INTS1: variants seen among roughly 807,000 people sequenced by gnomAD.
The protein encoded by INTS1 is integrator complex subunit 1.
In INTS1, 137 loss-of-function variants were observed where a neutral mutation model predicts 241.6. The observed-to-expected ratio is 0.57, with a 90% confidence interval of 0.49 to 0.65. The LOEUF (loss-of-function observed/expected upper bound fraction) is 0.65, where lower values mean the gene tolerates loss of function less well. INTS1 is among the 30% of genes least tolerant of loss of function. The pLI is 0.00. For missense variants in INTS1, 3,073 were observed against 3,032.2 expected (o/e 1.01, Z -0.32); for synonymous variants, 1,692 against 1,337.8 (o/e 1.26, Z -5.78).
Position 1,471,240 on chromosome 7 carries a change from G to A in INTS1, c.6256-16C>T. ...GCAGGTTGGTCTGACCGGGGGAAAG[G>A]TGGGAGGTGTGTGACCAAGGGGTCC... On this transcript the variant is annotated splice_polypyrimidine_tract_variant and intron_variant, in intron 45 of 47. Coordinates refer to ENST00000404767, the MANE Select transcript of INTS1 (RefSeq NM_001080453.3). The A allele has an allele frequency of 6.4e-7, 1 of 1,562,874 alleles. No homozygotes were observed. The highest frequency in any genetic ancestry group is 8.7e-7 in the Non-Finnish European group (1 of 1,154,490).
Position 1,477,659 on chromosome 7 carries a change from C to T in INTS1, c.4829G>A (p.Arg1610Gln), listed in dbSNP as rs376233944. The change falls in exon 35 of 48, where the codon CGG becomes CAG. Residue 1610 changes from arginine (R) to glutamine (Q), a missense_variant. By Grantham distance (43) the Arg-to-Gln change is conservative. Transcript: ENST00000404767. Reference sequence around the variant, plus strand: ...TAGGAGGCCTGACGAGGGCCCCAGCCGCACGGCCTCCAGGCTGCAGGGAGA... The same window carrying T: ...TAGGAGGCCTGACGAGGGCCCCAGCTGCACGGCCTCCAGGCTGCAGGGAGA... ...GADGGSLEAV[R>Q]LGPSSGLLVD... 34 of 1,594,140 alleles carry T rather than the reference C, an allele frequency of 2.1e-5. No homozygotes were observed. Among genetic ancestry groups the T allele is most frequent in the Non-Finnish European group, 2.4e-5 (28 of 1,171,002 alleles).
intron 38 of INTS1, 26 bp downstream of exon 38, chr7:1,476,203 C>T: frequency 1.3e-6 from 2 of 1,541,852 alleles, no homozygotes; most frequent in Non-Finnish European, 1.7e-6. Context: ...TCCCAGGCAG[C>T]ATCTGGGGCC....
At position 1,483,107 on chromosome 7, in the gene INTS1, G is replaced by A. The variant is rs542463827; in HGVS notation, c.3542-400C>T. On this transcript the variant is annotated intron_variant, in intron 26 of 47. Transcript: ENST00000404767. The stretch of plus-strand genomic sequence containing the variant: ...TTCTCCGGCTGCCCTTCCCAAGGGC[G>A]ACGCCTGTGACTGTGTCTGCCTCCC... The A allele has an allele frequency of 4.1e-5, 9 of 221,694 alleles. No individual in the cohort carries two copies. The South Asian group carries it at 5.9e-4, about 14-fold the overall frequency. 13.7% of individuals were successfully genotyped at this position (221,694 alleles called of 1,614,324 possible).
intron 3 of INTS1, 22 bp downstream of exon 3, chr7:1,502,879 G>T (rs374858370): frequency 3.1e-6 from 5 of 1,612,644 alleles, no homozygotes; most frequent in Non-Finnish European, 4.2e-6. Flanking sequence ...GTGTTCTCGG[G>T]GGATGTCCAC....
intron 42 of INTS1, 71 bp downstream of exon 42, chr7:1,473,494 AG>A (rs1781569840): frequency 1.3e-6 from 2 of 1,522,540 alleles, no homozygotes; most frequent in Non-Finnish European, 1.8e-6. Flanking sequence ...CGGCCTTCCC[AG>A]GAACACCCTC....
chr7:1,471,025 G>A lies in INTS1; in HGVS notation c.6348-70C>T, dbSNP rs1030615628. 26 of 1,512,844 alleles carry A rather than the reference G, an allele frequency of 1.7e-5. No homozygotes were observed. The East Asian group carries it at 2.0e-4, about 12-fold the overall frequency. 93.7% of individuals were successfully genotyped at this position (1,512,844 alleles called of 1,614,324 possible). The stretch of plus-strand genomic sequence containing the variant: ...ACGCCAGACCCCCACCCGACAGGGC[G>A]AGCTGAGCCGCCTGGAAGCCTGGTC... On this transcript the variant is annotated intron_variant, in intron 46 of 47. Transcript: ENST00000404767.
intron 3 of INTS1, chr7:1,500,995 C>G (rs1783150483): frequency 6.6e-6 from 1 of 152,202 alleles, no homozygotes; most frequent in Non-Finnish European, 1.5e-5. Context: ...TTTTAAATAT[C>G]CACAAACGGC....
chr7:1,501,500 C>T (rs1442088217), intron 3 of INTS1, among the ~76,000 whole-genome samples: 1 of 152,108 alleles, frequency 6.6e-6, no homozygotes, highest in Non-Finnish European at 1.5e-5. Context: ...AGCCATCTCT[C>T]TGTTTTGCTG....
intron 12 of INTS1, 26 bp from the exon 13 acceptor site, chr7:1,495,579 C>T (rs753670880): frequency 2.7e-5 from 43 of 1,595,334 alleles, no homozygotes; most frequent in East Asian, 4.5e-5. Flanking sequence ...AGCTTAGTGG[C>T]CCATCCGAGC....
rs761580477 is a variant in INTS1 at position 1,480,895 on chromosome 7, C to T, written c.3889G>A (p.Gly1297Ser). ...AHLVEVQHER[G>S]ASGGQTFHSL... Reference sequence around the variant, plus strand: ...TGGAAAGTCTGGCCTCCGGAGGCGCCGCGCTCATGCTGGACCTCCACCAGG... The same window carrying T: ...TGGAAAGTCTGGCCTCCGGAGGCGCTGCGCTCATGCTGGACCTCCACCAGG... The change falls in exon 29 of 48, where the codon GGC becomes AGC. Residue 1297 changes from glycine to serine, a missense_variant. Physicochemically the swap from Gly to Ser is moderately conservative, Grantham distance 56 (BLOSUM62 0). Coordinates refer to ENST00000404767, the MANE Select transcript of INTS1 (RefSeq NM_001080453.3). 25 of 1,562,354 alleles carry T rather than the reference C, an allele frequency of 1.6e-5. No individual in the cohort carries two copies. Among genetic ancestry groups the T allele is most frequent in the African/African-American group, 5.4e-5 (4 of 73,768 alleles).
At chr7:1,476,134 G>C in intron 38 of INTS1, 63 bp from the exon 39 acceptor site, 1 of 1,524,708 alleles carries the variant, frequency 6.6e-7, no homozygotes, top group Non-Finnish European at 8.8e-7. Context: ...GTGGGTGGAC[G>C]GGACCAGGCG....
intron 35 of INTS1, 111 bp downstream of exon 35, chr7:1,477,439 G>A (rs1002953220): frequency 2.0e-5 from 25 of 1,243,328 alleles, no homozygotes; most frequent in Non-Finnish European, 2.3e-5. Context: ...GAGAGCAGGG[G>A]GGGTGCTGGG....
chr7:1,495,308 CA>C (rs1782790460), intron 13 of INTS1, 124 bp downstream of exon 13: 1 of 1,171,170 alleles, frequency 8.5e-7, no homozygotes, highest in Admixed American at 2.7e-5. Context: ...GGGTGTGGGG[CA>C]GGGGCTGTGC....
chr7:1,472,041 G>A (rs1464096145), intron 44 of INTS1, among the ~76,000 whole-genome samples: 3 of 152,188 alleles, frequency 2.0e-5, no homozygotes, highest in Non-Finnish European at 2.9e-5. Flanking sequence ...GGGCTCCCCT[G>A]CTTTTTGCTG....
rs1045154717 is a variant in INTS1 at position 1,503,786 on chromosome 7, A to G, written c.58+117T>C. The G allele has an allele frequency of 6.8e-6, 5 of 733,938 alleles. No individual in the cohort carries two copies. In the Admixed American group the frequency reaches 1.3e-4, roughly 20 times the overall value. 45.5% of individuals were successfully genotyped at this position (733,938 alleles called of 1,614,324 possible). On this transcript the variant is annotated intron_variant, in intron 2 of 47. Transcript: ENST00000404767. ...GTGTTTCCAGACCGAATTCCTGGAA[A>G]CAGCCGCGGCTGCGGAACAACCAAG...
At chr7:1,487,593 G>T in intron 19 of INTS1, 144 bp from the exon 20 acceptor site, 1 of 1,288,042 alleles carries the variant, frequency 7.8e-7, no homozygotes, top group Non-Finnish European at 1.1e-6. Context: ...CCCAAGGCCT[G>T]GCCCCACAGC....
rs1428623419 is a variant in INTS1, at chr7:1,498,527, T to C, written c.1310A>G (p.Asn437Ser). 3 of 1,613,830 alleles carry C rather than the reference T, an allele frequency of 1.9e-6. No individual in the cohort carries two copies. Among genetic ancestry groups the C allele is most frequent in the African/African-American group, 1.3e-5 (1 of 75,028 alleles). Residue 437 changes from asparagine to serine, a missense_variant, in exon 10 of 48, where the codon AAC becomes AGC. Asn to Ser is a conservative substitution (Grantham distance 46, BLOSUM62 1). Coordinates refer to ENST00000404767, the MANE Select transcript of INTS1 (RefSeq NM_001080453.3). ...IRELLSAHKD[N>S]LGTTIKLVIF... is the part of the protein sequence containing the mutation. ...CACCAACTTGATGGTGGTGCCCAGGTTGTCCTTGTGCGCGCTCAGCAGCTC... is the reference window on the plus strand; with the variant it reads ...CACCAACTTGATGGTGGTGCCCAGGCTGTCCTTGTGCGCGCTCAGCAGCTC...
At chr7:1,498,653 C>G in intron 9 of INTS1, 54 bp downstream of exon 9, 1 of 1,533,228 alleles carries the variant, frequency 6.5e-7, no homozygotes, top group Admixed American at 2.0e-5. Flanking sequence ...CCCACACCCC[C>G]ACCCACACCC....
Position 1,497,489 on chromosome 7 carries a change from G to A in INTS1, c.1426-175C>T, listed in dbSNP as rs1436301505. Among the ~76,000 whole-genome samples, 8 of 152,166 alleles carry A rather than the reference G, an allele frequency of 5.3e-5. No individual in the cohort carries two copies. The highest frequency in any genetic ancestry group is 1.2e-4 in the Non-Finnish European group (8 of 68,028). ...ACTGGCTGCCAGCCCTTGGCGAGCAGGGATCACATCTGATTCCCCTCTCTG... is the reference window on the plus strand; with the variant it reads ...ACTGGCTGCCAGCCCTTGGCGAGCAAGGATCACATCTGATTCCCCTCTCTG... On this transcript the variant is annotated intron_variant, in intron 10 of 47. Coordinates refer to ENST00000404767, the MANE Select transcript of INTS1 (RefSeq NM_001080453.3). The surrounding 1 kb of genome is among the most constrained non-coding windows in gnomAD (Gnocchi z 5.3).
Sources: gnomAD v4.1 joint callset for allele counts (sites outside exome capture counted in the v4.1 genomes callset) on GRCh38, gnomAD v4.1.1 for gene constraint, Gnocchi (gnomAD v3.1) non-coding constraint, MANE v1.5 for transcripts, NCBI Gene and HGNC (gene_info 2026-07-23, HGNC 2026-07-21) for gene names.